The following JAZF1 variants were observed in gnomAD, a reference collection of about 807,000 sequenced individuals.
The protein encoded by JAZF1 is juxtaposed with another zinc finger protein 1.
A neutral mutation model predicts 26.4 loss-of-function variants in JAZF1; 8 were observed. That is an observed-to-expected ratio of 0.30 (90% CI 0.18 to 0.55). JAZF1 has a LOEUF of 0.55. Among genes scored for constraint, JAZF1 ranks in the 20% least tolerant of loss-of-function variants. JAZF1 has a pLI of 0.94. For missense variants in JAZF1, 199 were observed against 322.0 expected, an observed-to-expected ratio of 0.62 and a Z score of 2.92; for synonymous variants, 126 against 122.3, an observed-to-expected ratio of 1.03 and a Z score of -0.20.
At chr7:28,096,836 A>G (rs575043550) in intron 1 of JAZF1, among the ~76,000 whole-genome samples, 1 of 152,320 alleles carries the variant, frequency 6.6e-6, no homozygotes, top group East Asian at 1.9e-4. Flanking sequence ...CTGCTGGTAT[A>G]CTGACCACAT....
At chr7:28,125,037 A>G (rs965751866) in intron 1 of JAZF1, among the ~76,000 whole-genome samples, 2 of 152,212 alleles carry the variant, frequency 1.3e-5, no homozygotes, top group Non-Finnish European at 2.9e-5. Flanking sequence ...AGAAAAATAA[A>G]ATGCAGCTGA....
At chr7:28,110,748 C>T (rs1238764457) in intron 1 of JAZF1, among the ~76,000 whole-genome samples, 3 of 152,114 alleles carry the variant, frequency 2.0e-5, no homozygotes, top group South Asian at 2.1e-4. Flanking sequence ...GTGAATGGGA[C>T]GGTGCTTTCT....
chr7:27,868,806 A>G (rs1583439206), intron 3 of JAZF1, among the ~76,000 whole-genome samples: 1 of 152,144 alleles, frequency 6.6e-6, no homozygotes, highest in Admixed American at 6.5e-5. Context: ...AATGACAACC[A>G]CAACAGTAGC....
In JAZF1 at chr7:27,849,422, A is replaced by C. The variant is rs138080971; in HGVS notation, c.386-8555T>G. On this transcript the variant is annotated intron_variant, in intron 3 of 4. Coordinates refer to ENST00000283928, the MANE Select transcript of JAZF1 (RefSeq NM_175061.4). ...TTAAAATGGTGTTCGCTAATGTTAG[A>C]GTTTCTGCAAGAAAACGTAATTTAA... Among the ~76,000 whole-genome samples, 111 of 152,314 alleles carry C rather than the reference A, an allele frequency of 7.3e-4. 1 individual carries two copies. The East Asian group carries it at 0.019, about 26-fold the overall frequency.
At chr7:28,115,365 A>G (rs1463684687) in intron 1 of JAZF1, among the ~76,000 whole-genome samples, 2 of 152,188 alleles carry the variant, frequency 1.3e-5, no homozygotes, top group Non-Finnish European at 2.9e-5. Context: ...TCTTTTTTTC[A>G]TACTAAGTCT....
intron 1 of JAZF1, among the ~76,000 whole-genome samples, chr7:28,039,768 A>G (rs1783357978): frequency 6.6e-6 from 1 of 152,160 alleles, no homozygotes; most frequent in Non-Finnish European, 1.5e-5. Flanking sequence ...CAACGTGTAT[A>G]TGTCTCCTTC....
intron 1 of JAZF1, among the ~76,000 whole-genome samples, chr7:28,106,455 C>T (rs1784554794): frequency 6.6e-6 from 1 of 152,164 alleles, no homozygotes; most frequent in Admixed American, 6.5e-5. Flanking sequence ...TACAAGACAA[C>T]AGCGAGTTCT....
chr7:28,165,492 T>A (rs936524533), intron 1 of JAZF1, among the ~76,000 whole-genome samples: 4 of 152,146 alleles, frequency 2.6e-5, no homozygotes, highest in African/African-American at 9.7e-5. Flanking sequence ...TTCCACATCA[T>A]CCTTTGGGGC....
At chr7:27,880,622 C>A (rs1168071002) in intron 3 of JAZF1, among the ~76,000 whole-genome samples, 2 of 152,152 alleles carry the variant, frequency 1.3e-5, no homozygotes, top group Admixed American at 1.3e-4. Flanking sequence ...AACAGCAAGA[C>A]TCCATCTCGG....
intron 3 of JAZF1, among the ~76,000 whole-genome samples, chr7:27,872,726 C>G (rs1783604817): frequency 6.6e-6 from 1 of 152,182 alleles, no homozygotes; most frequent in South Asian, 2.1e-4. Context: ...CAGCTGTAAT[C>G]TTGGGTTAAA....
At chr7:27,862,951 G>A (rs777328882) in intron 3 of JAZF1, among the ~76,000 whole-genome samples, 5 of 152,120 alleles carry the variant, frequency 3.3e-5, no homozygotes, top group Non-Finnish European at 7.4e-5. Flanking sequence ...CCTTTAAATA[G>A]AGGACAGCAC....
intron 3 of JAZF1, chr7:27,842,162 G>C (rs1371517807): frequency 6.6e-6 from 1 of 152,196 alleles, no homozygotes; most frequent in Non-Finnish European, 1.5e-5. Context: ...AGCCAGGAAG[G>C]AAGGAAGGGA....
intron 1 of JAZF1, among the ~76,000 whole-genome samples, chr7:28,176,296 G>A (rs910249572): frequency 2.6e-5 from 4 of 152,192 alleles, no homozygotes; most frequent in African/African-American, 7.2e-5. Flanking sequence ...AGTCTGGTAC[G>A]ATCACATGAA....
chr7:27,928,651 G>GC (rs1321577193), intron 2 of JAZF1, among the ~76,000 whole-genome samples: 1 of 152,184 alleles, frequency 6.6e-6, no homozygotes, highest in Non-Finnish European at 1.5e-5. Context: ...CATGGATGGA[G>GC]CTGGAGGCCA....
intron 1 of JAZF1, among the ~76,000 whole-genome samples, chr7:28,001,854 A>G (rs17156127): frequency 0.046 from 7,040 of 152,250 alleles, 275 homozygotes; most frequent in African/African-American, 0.096. Flanking sequence ...ATAAGATTCG[A>G]TGAAAAAGAA....
At chr7:27,976,203 G>A (rs1324774856) in intron 2 of JAZF1, among the ~76,000 whole-genome samples, 10 of 151,984 alleles carry the variant, frequency 6.6e-5, no homozygotes, top group Non-Finnish European at 2.9e-5. Context: ...AAAATTAGCC[G>A]GGCATGGTTG....
chr7:27,941,737 A>G (rs1361916482), intron 2 of JAZF1, among the ~76,000 whole-genome samples: 2 of 152,178 alleles, frequency 1.3e-5, no homozygotes, highest in Admixed American at 6.5e-5. Context: ...CCACCATACA[A>G]TTAGGGGCTA....
At chr7:28,023,721 A>G (rs1263739327) in intron 1 of JAZF1, among the ~76,000 whole-genome samples, 1 of 152,242 alleles carries the variant, frequency 6.6e-6, no homozygotes, top group East Asian at 1.9e-4. Context: ...AGTGAACCAT[A>G]CGGACAGGTT....
At chr7:28,160,632 T>C (rs535087785) in intron 1 of JAZF1, among the ~76,000 whole-genome samples, 16 of 152,228 alleles carry the variant, frequency 1.1e-4, no homozygotes, top group African/African-American at 2.9e-4. Context: ...ATTCCTTGCA[T>C]ACCAAAACCA....
Sources: gnomAD v4.1 joint callset for allele counts (sites outside exome capture counted in the v4.1 genomes callset) on GRCh38, gnomAD v4.1.1 for gene constraint, MANE v1.5 for transcripts, NCBI Gene and HGNC (gene_info 2026-07-23, HGNC 2026-07-21) for gene names.